Variants in GUCY1A2 observed in about 807,000 individuals in gnomAD.
GUCY1A2 encodes the protein guanylate cyclase soluble subunit alpha-2.
A neutral mutation model predicts 63.5 loss-of-function variants in GUCY1A2; 27 were observed. The ratio of observed to expected loss-of-function variants is 0.43; its 90% confidence interval spans 0.31 to 0.59. The LOEUF (loss-of-function observed/expected upper bound fraction) is 0.59. Among genes scored for constraint, GUCY1A2 ranks in the 20% least tolerant of loss-of-function variants. The pLI is 0.11. For synonymous variants in GUCY1A2, 364 were observed against 343.5 expected (o/e 1.06, Z -0.66); for missense variants, 768 against 913.3 (o/e 0.84, Z 2.05).
At chr11:106,988,579 C>T (rs1165097156) in intron 1 of GUCY1A2, among the ~76,000 whole-genome samples, 1 of 152,150 alleles carries the variant, frequency 6.6e-6, no homozygotes, top group African/African-American at 2.4e-5. Flanking sequence ...CAATTACTTC[C>T]ACTCCCAGCA....
chr11:106,846,110 A>G (rs547689316), intron 4 of GUCY1A2, among the ~76,000 whole-genome samples: 22 of 151,784 alleles, frequency 1.4e-4, no homozygotes, highest in African/African-American at 5.3e-4. Context: ...GATGTTAAAG[A>G]AACATGAAAA....
At chr11:106,966,964 G>GA (rs1286426437) in intron 3 of GUCY1A2, among the ~76,000 whole-genome samples, 2 of 152,162 alleles carry the variant, frequency 1.3e-5, no homozygotes, top group African/African-American at 4.8e-5. Context: ...AGAGGTTAAT[G>GA]AAAAACAGTC....
At chr11:106,843,468 C>A (rs183514226) in intron 4 of GUCY1A2, among the ~76,000 whole-genome samples, 6 of 151,782 alleles carry the variant, frequency 4.0e-5, no homozygotes, top group Admixed American at 3.3e-4. Context: ...CAGAAATATA[C>A]CTGTAGAGAC....
chr11:106,985,618 A>G (rs1029859444), intron 2 of GUCY1A2, among the ~76,000 whole-genome samples: 7 of 152,240 alleles, frequency 4.6e-5, no homozygotes, highest in African/African-American at 1.7e-4. Context: ...ATAGATGATA[A>G]TAAAGAAAAA....
chr11:106,914,334 T>C (rs1385091706), intron 4 of GUCY1A2, among the ~76,000 whole-genome samples: 2 of 152,122 alleles, frequency 1.3e-5, no homozygotes, highest in East Asian at 1.9e-4. Flanking sequence ...AATGTGAAAG[T>C]GACCCTACTT....
intron 4 of GUCY1A2, among the ~76,000 whole-genome samples, chr11:106,879,104 A>G (rs1219121747): frequency 2.0e-5 from 3 of 150,286 alleles, no homozygotes; most frequent in Non-Finnish European, 4.5e-5. Context: ...GTTTCACACC[A>G]GAACAGTCTT....
At chr11:106,728,956 G>A (rs1863453995) in intron 6 of GUCY1A2, among the ~76,000 whole-genome samples, 1 of 152,068 alleles carries the variant, frequency 6.6e-6, no homozygotes, top group African/African-American at 2.4e-5. Context: ...TTGCCAAGGA[G>A]AAGATTTACT....
chr11:106,790,900 G>A (rs1864647010), intron 5 of GUCY1A2, among the ~76,000 whole-genome samples: 1 of 152,158 alleles, frequency 6.6e-6, no homozygotes, highest in Non-Finnish European at 1.5e-5. Context: ...TTCTCCTTAA[G>A]CGAAAGGAAG....
At chr11:106,804,727 A>C (rs1218950413) in intron 5 of GUCY1A2, among the ~76,000 whole-genome samples, 1 of 152,178 alleles carries the variant, frequency 6.6e-6, no homozygotes, top group East Asian at 1.9e-4. Context: ...ATGTTTGATG[A>C]GGTTGCCATA....
intron 4 of GUCY1A2, among the ~76,000 whole-genome samples, chr11:106,879,553 C>T (rs772271841): frequency 6.6e-6 from 1 of 152,040 alleles, no homozygotes; most frequent in Non-Finnish European, 1.5e-5. Flanking sequence ...TTTGTACTTA[C>T]CTCACACTAA....
intron 4 of GUCY1A2, among the ~76,000 whole-genome samples, chr11:106,893,265 A>C (rs1859998502): frequency 6.6e-6 from 1 of 152,194 alleles, no homozygotes; most frequent in African/African-American, 2.4e-5. Flanking sequence ...CTTGACTTTA[A>C]AGGCAAGTAG....
intron 6 of GUCY1A2, among the ~76,000 whole-genome samples, chr11:106,734,018 A>G (rs1438203750): frequency 6.6e-6 from 1 of 152,154 alleles, no homozygotes; most frequent in African/African-American, 2.4e-5. Context: ...TGAATAGGTA[A>G]CAATATAGTA....
At chr11:106,962,224 G>C (rs949149930) in intron 3 of GUCY1A2, among the ~76,000 whole-genome samples, 1 of 152,084 alleles carries the variant, frequency 6.6e-6, no homozygotes, top group African/African-American at 2.4e-5. Flanking sequence ...TGTTCCCAAA[G>C]GATCAGGACT....
chr11:106,840,026 T>A (rs2135442800), intron 4 of GUCY1A2, among the ~76,000 whole-genome samples: 1 of 152,102 alleles, frequency 6.6e-6, no homozygotes, highest in East Asian at 1.9e-4. Flanking sequence ...TATATATAAA[T>A]GTCTACTGTA....
At chr11:106,702,691 T>C (rs1006807882) in intron 7 of GUCY1A2, among the ~76,000 whole-genome samples, 2 of 147,860 alleles carry the variant, frequency 1.4e-5, no homozygotes, top group South Asian at 4.3e-4. Flanking sequence ...TTTGCTTACA[T>C]AATTTATATG....
intron 4 of GUCY1A2, among the ~76,000 whole-genome samples, chr11:106,922,662 C>CATATATATAT (rs6144495): frequency 8.0e-6 from 1 of 124,802 alleles, no homozygotes; most frequent in African/African-American, 3.2e-5. Flanking sequence ...TTGTTAACTA[C>CATATATATAT]ATATATATAT....
intron 4 of GUCY1A2, among the ~76,000 whole-genome samples, chr11:106,929,986 T>G (rs755523746): frequency 1.3e-5 from 2 of 152,216 alleles, no homozygotes; most frequent in African/African-American, 2.4e-5. Context: ...GATAGACAGA[T>G]ATGCCTTTTA....
chr11:106,926,223 C>T (rs964777653), intron 4 of GUCY1A2, among the ~76,000 whole-genome samples: 2 of 152,038 alleles, frequency 1.3e-5, no homozygotes, highest in Non-Finnish European at 2.9e-5. Flanking sequence ...AGTTCTAGAC[C>T]AGCCTGGCCA....
At chr11:106,856,013 C>T (rs561695943) in intron 4 of GUCY1A2, among the ~76,000 whole-genome samples, 2 of 151,746 alleles carry the variant, frequency 1.3e-5, no homozygotes, top group Non-Finnish European at 2.9e-5. Context: ...GCAGCCTCAA[C>T]TTCCTGGGCT....
Sources: allele counts gnomAD v4.1 joint callset (sites outside exome capture counted in the v4.1 genomes callset), GRCh38; gene constraint gnomAD v4.1.1; transcripts MANE v1.5; gene names NCBI Gene and HGNC (gene_info 2026-07-23, HGNC 2026-07-21).